GNG4: variants seen among roughly 807,000 people sequenced by gnomAD.
The protein encoded by GNG4 is guanine nucleotide-binding protein G(I)/G(S)/G(O) subunit gamma-4.
In GNG4, 4 loss-of-function variants were observed where a neutral mutation model predicts 5.8. That is an observed-to-expected ratio of 0.69 (90% CI 0.34 to 1.57). The LOEUF is 1.57. GNG4 is among the 40% of genes most tolerant of loss of function. GNG4 has a pLI of 0.06. For synonymous variants in GNG4, 29 were observed against 32.9 expected, an observed-to-expected ratio of 0.88 and a Z score of 0.41; for missense variants, 96 against 95.1, an observed-to-expected ratio of 1.01 and a Z score of -0.04.
rs944516097 is a variant in GNG4, at chr1:235,587,676, G to C, written c.-10-3828C>G. ...GTGTTGGGTGTGTGTGTGACTGTGG[G>C]GTATGTGTGCGAGTGTTGGGTGTCT... On this transcript the variant is annotated intron_variant, in intron 2 of 3. Transcript: ENST00000391854. Among the ~76,000 whole-genome samples the C allele has an allele frequency of 3.8e-5, 4 of 105,150 alleles. No individual in the cohort carries two copies. The Admixed American group carries it at 4.0e-4, about 11-fold the overall frequency. 69.0% of individuals were successfully genotyped at this position (105,150 alleles called of 152,430 possible).
chr1:235,585,383 G>T (rs1263498481), intron 2 of GNG4, among the ~76,000 whole-genome samples: 1 of 152,150 alleles, frequency 6.6e-6, no homozygotes, highest in East Asian at 1.9e-4. Context: ...GAGACTACAG[G>T]TGTGTGCCGC....
chr1:235,636,993 T>C (rs1689051078), intron 1 of GNG4, among the ~76,000 whole-genome samples: 1 of 146,270 alleles, frequency 6.8e-6, no homozygotes, highest in Non-Finnish European at 1.5e-5. Context: ...CCTTCAAGAA[T>C]GGGGATAAAG....
chr1:235,641,114 C>T (rs1230104457), intron 1 of GNG4, among the ~76,000 whole-genome samples: 1 of 152,230 alleles, frequency 6.6e-6, no homozygotes, highest in African/African-American at 2.4e-5. Flanking sequence ...AGGCCAAGTG[C>T]AGTGGCTGAT....
intron 1 of GNG4, among the ~76,000 whole-genome samples, chr1:235,627,725 G>C (rs191825623): frequency 6.6e-6 from 1 of 152,184 alleles, no homozygotes; most frequent in South Asian, 2.1e-4. Context: ...AAACTGGAAG[G>C]CTTCCGGGTA....
intron 3 of GNG4, among the ~76,000 whole-genome samples, chr1:235,577,175 A>G (rs1237204154): frequency 6.6e-6 from 1 of 152,108 alleles, no homozygotes; most frequent in African/African-American, 2.4e-5. Flanking sequence ...GCTACATACC[A>G]TGCCATCCCG....
At position 235,603,956 on chromosome 1, in the gene GNG4, G is replaced by A. The variant is rs553852932; in HGVS notation, c.-122-8445C>T. Among the ~76,000 whole-genome samples, 10 of 152,074 alleles carry A rather than the reference G, an allele frequency of 6.6e-5. No homozygotes were observed. In the East Asian group the frequency reaches 9.7e-4, roughly 15 times the overall value. On this transcript the variant is annotated intron_variant, in intron 1 of 3. Transcript: ENST00000391854. ...GAAAGAGAAACTAGATCCACCTTCCGTGGGACCCTTCACGCTATCCACTCC... is the reference window on the plus strand; with the variant it reads ...GAAAGAGAAACTAGATCCACCTTCCATGGGACCCTTCACGCTATCCACTCC...
At chr1:235,631,726 C>T (rs561341628) in intron 1 of GNG4, among the ~76,000 whole-genome samples, 1 of 151,654 alleles carries the variant, frequency 6.6e-6, no homozygotes, top group South Asian at 2.1e-4. Flanking sequence ...TGCCACCACG[C>T]CCAGCCAATT....
intron 1 of GNG4, among the ~76,000 whole-genome samples, chr1:235,634,265 G>C (rs1054498392): frequency 6.6e-6 from 1 of 152,220 alleles, no homozygotes; most frequent in Non-Finnish European, 1.5e-5. Context: ...GACAGTCATA[G>C]GTACAGAAAT....
intron 1 of GNG4, among the ~76,000 whole-genome samples, chr1:235,645,757 A>G (rs4078369): frequency 0.21 from 31,178 of 145,324 alleles, 4,453 homozygotes; most frequent in Non-Finnish European, 0.3. Flanking sequence ...AGATCGTGCC[A>G]TTGCTCTCCA....
At chr1:235,622,673 G>C (rs1232548501) in intron 1 of GNG4, among the ~76,000 whole-genome samples, 2 of 151,960 alleles carry the variant, frequency 1.3e-5, no homozygotes, top group East Asian at 1.9e-4. Context: ...CTGAGGTCAG[G>C]AGTTCGAGAC....
chr1:235,597,004 G>C (rs1301443739), intron 1 of GNG4, among the ~76,000 whole-genome samples: 2 of 152,090 alleles, frequency 1.3e-5, no homozygotes, highest in African/African-American at 4.8e-5. Context: ...CAAAGTGCTG[G>C]GATTACAGCC....
At chr1:235,586,115 G>A (rs1194422842) in intron 2 of GNG4, among the ~76,000 whole-genome samples, 1 of 152,166 alleles carries the variant, frequency 6.6e-6, no homozygotes, top group Non-Finnish European at 1.5e-5. Context: ...AAATATTCTC[G>A]TTAGAAGACA....
Position 235,552,136 on chromosome 1 carries a change from C to G in GNG4, c.201G>C (p.Glu67Asp), listed in dbSNP as rs753039131. 6.2e-7 allele frequency: 1 copy of G among 1,613,976 alleles called. No homozygotes were observed. The highest frequency in any genetic ancestry group is 1.7e-5 in the Admixed American group (1 of 60,016). The change falls in exon 4 of 4, where the codon GAG (glutamate) becomes GAC (aspartate). Residue 67 changes from glutamate (E) to aspartate (D), a missense_variant. Glu to Asp is a conservative substitution (Grantham distance 45, BLOSUM62 2). Coordinates refer to ENST00000391854, the MANE Select transcript of GNG4 (RefSeq NM_001098722.2). ...AGAGAATGGTACAAAAGAACTTCTT[C>G]TCGCGAAAGGGGTTTTCTGATGCAG... ...PVPASENPFREKKFFCTIL is the reference protein window; with the variant it reads ...PVPASENPFRDKKFFCTIL
intron 1 of GNG4, among the ~76,000 whole-genome samples, chr1:235,621,328 G>A (rs1343275950): frequency 9.9e-5 from 12 of 121,092 alleles, no homozygotes; most frequent in Non-Finnish European, 4.8e-5. Flanking sequence ...GTCTTGCTCT[G>A]TCACCCAGGC....
chr1:235,643,631 C>T (rs1657403461), intron 1 of GNG4, among the ~76,000 whole-genome samples: 2 of 152,326 alleles, frequency 1.3e-5, no homozygotes, highest in South Asian at 2.1e-4. Context: ...ACACATCGAT[C>T]GCATCCAGCA....
intron 3 of GNG4, among the ~76,000 whole-genome samples, chr1:235,554,644 G>C (rs938976048): frequency 1.3e-5 from 2 of 152,082 alleles, no homozygotes; most frequent in Non-Finnish European, 2.9e-5. Flanking sequence ...AGGAGTTCAA[G>C]ACCAGCCTGG....
intron 3 of GNG4, among the ~76,000 whole-genome samples, chr1:235,558,314 G>T (rs1229973223): frequency 6.6e-6 from 1 of 152,220 alleles, no homozygotes; most frequent in Non-Finnish European, 1.5e-5. Context: ...CAGCAAAATA[G>T]TCAAGGGAGT....
At chr1:235,556,435 G>A (rs1431432017) in intron 3 of GNG4, among the ~76,000 whole-genome samples, 3 of 151,712 alleles carry the variant, frequency 2.0e-5, no homozygotes, top group African/African-American at 7.3e-5. Context: ...GCCCATGCCT[G>A]TAATCCCAGC....
At chr1:235,605,575 G>A (rs1471324060) in intron 1 of GNG4, among the ~76,000 whole-genome samples, 1 of 152,164 alleles carries the variant, frequency 6.6e-6, no homozygotes, top group African/African-American at 2.4e-5. Context: ...GGGTAGAGGG[G>A]CCAAGAAGGA....
Sources: gnomAD v4.1 joint callset for allele counts (sites outside exome capture counted in the v4.1 genomes callset) on GRCh38, gnomAD v4.1.1 for gene constraint, MANE v1.5 for transcripts, NCBI Gene and HGNC (gene_info 2026-07-23, HGNC 2026-07-21) for gene names.